ZFAND3: variants seen among roughly 807,000 people sequenced by gnomAD.
The protein encoded by ZFAND3 is zinc finger AN1-type containing 3.
A neutral mutation model predicts 29.6 loss-of-function variants in ZFAND3; 10 were observed. That is an observed-to-expected ratio of 0.34 (90% CI 0.21 to 0.57). The LOEUF (loss-of-function observed/expected upper bound fraction) is 0.57. Among genes scored for constraint, ZFAND3 ranks in the 20% least tolerant of loss-of-function variants. ZFAND3 has a pLI of 0.86. For synonymous variants in ZFAND3, 128 were observed against 112.6 expected, an observed-to-expected ratio of 1.14 and a Z score of -0.87; for missense variants, 230 against 304.5, an observed-to-expected ratio of 0.76 and a Z score of 1.82.
chr6:38,071,158 G>A (rs1441375560), intron 3 of ZFAND3, among the ~76,000 whole-genome samples: 1 of 151,156 alleles, frequency 6.6e-6, no homozygotes, highest in Non-Finnish European at 1.5e-5. Context: ...TACATATATT[G>A]CCAGTTTCTT....
intron 2 of ZFAND3, among the ~76,000 whole-genome samples, chr6:38,033,591 T>C (rs182625252): frequency 1.3e-5 from 2 of 152,314 alleles, no homozygotes. Flanking sequence ...TCTGAAAAGA[T>C]TATTCACCTT....
intron 4 of ZFAND3, among the ~76,000 whole-genome samples, chr6:38,085,900 G>A (rs1273429019): frequency 6.6e-6 from 1 of 152,170 alleles, no homozygotes; most frequent in East Asian, 1.9e-4. Flanking sequence ...CTAAGGATTA[G>A]CATTAGACCC....
chr6:37,977,388 G>T (rs1762498617), intron 2 of ZFAND3, among the ~76,000 whole-genome samples: 1 of 152,154 alleles, frequency 6.6e-6, no homozygotes, highest in South Asian at 2.1e-4. Context: ...TGCAACCTCT[G>T]CCTCCCGGGT....
chr6:37,986,239 G>T (rs183331454), intron 2 of ZFAND3, among the ~76,000 whole-genome samples: 1 of 152,098 alleles, frequency 6.6e-6, no homozygotes, highest in East Asian at 1.9e-4. Flanking sequence ...CCTTGAGTTT[G>T]CCAGTCTAAA....
chr6:38,072,777 T>C (rs1764481543), intron 3 of ZFAND3, among the ~76,000 whole-genome samples: 1 of 152,234 alleles, frequency 6.6e-6, no homozygotes, highest in East Asian at 1.9e-4. Flanking sequence ...AAAATGACTA[T>C]GTAACTGTAC....
chr6:38,091,523 G>C (rs773263094), intron 4 of ZFAND3, among the ~76,000 whole-genome samples: 2 of 140,756 alleles, frequency 1.4e-5, no homozygotes, highest in Non-Finnish European at 3.0e-5. Flanking sequence ...TAGGTCTGGG[G>C]AGTGCCTTTC....
intron 1 of ZFAND3, among the ~76,000 whole-genome samples, chr6:37,906,519 C>T (rs945285487): frequency 6.6e-6 from 1 of 152,074 alleles, no homozygotes; most frequent in African/African-American, 2.4e-5. Flanking sequence ...TTTGTTTGAA[C>T]ACCTATTTTC....
intron 1 of ZFAND3, among the ~76,000 whole-genome samples, chr6:37,865,900 C>T (rs1171244559): frequency 6.6e-6 from 1 of 152,194 alleles, no homozygotes; most frequent in East Asian, 1.9e-4. Context: ...GTGGGGCTTT[C>T]ACCCTTCAGT....
intron 2 of ZFAND3, among the ~76,000 whole-genome samples, chr6:37,965,303 C>G (rs986548913): frequency 3.3e-5 from 5 of 152,152 alleles, no homozygotes; most frequent in Non-Finnish European, 7.3e-5. Flanking sequence ...AGACCAGTAA[C>G]AATTTCCAGA....
At chr6:38,144,211 A>ATATAATATATATATATAT (rs70981524) in intron 5 of ZFAND3, among the ~76,000 whole-genome samples, 2 of 45,880 alleles carry the variant, frequency 4.4e-5, no homozygotes, top group South Asian at 6.0e-4. Context: ...ATATATATAT[A>ATATAATATATATATATAT]ATATATAATA....
At chr6:38,131,506 C>T (rs1279321130) in intron 5 of ZFAND3, among the ~76,000 whole-genome samples, 1 of 152,136 alleles carries the variant, frequency 6.6e-6, no homozygotes, top group Non-Finnish European at 1.5e-5. Context: ...TAGGAAACAC[C>T]AAGATAATTT....
rs114947451 is a variant in ZFAND3, at chr6:38,035,391, G to A, written c.113-26202G>A. ...TGCTCTAATTTTGCTTATTCAGGAC[G>A]TGTCTCACGGTTTCTAAGCAACCAA... On this transcript the variant is annotated intron_variant, in intron 2 of 5. Transcript: ENST00000287218. Among the ~76,000 whole-genome samples the A allele has an allele frequency of 3.1e-3, 474 of 152,134 alleles. 3 individuals are homozygous for A. Among genetic ancestry groups the A allele is most frequent in the African/African-American group, 0.011 (448 of 41,500 alleles).
At position 37,941,285 on chromosome 6, in the gene ZFAND3, A is replaced by T. The variant is rs564989787; in HGVS notation, c.112+11286A>T. Among the ~76,000 whole-genome samples, 9 of 152,348 alleles carry T rather than the reference A, an allele frequency of 5.9e-5. No individual in the cohort carries two copies. The South Asian group carries it at 1.9e-3, about 32-fold the overall frequency. ...TACTGTGAAAACCAAAGCTAAATAG[A>T]TTAGTCGGGATTGTACTGTGAGGAT... On this transcript the variant is annotated intron_variant, in intron 2 of 5. Transcript: ENST00000287218.
At chr6:37,897,531 G>A (rs1765241690) in intron 1 of ZFAND3, among the ~76,000 whole-genome samples, 1 of 152,196 alleles carries the variant, frequency 6.6e-6, no homozygotes, top group South Asian at 2.1e-4. Flanking sequence ...GTATATAGAT[G>A]AGAGGGAATC....
At chr6:38,107,334 A>T (rs555199824) in intron 4 of ZFAND3, among the ~76,000 whole-genome samples, 1 of 152,334 alleles carries the variant, frequency 6.6e-6, no homozygotes, top group South Asian at 2.1e-4. Context: ...TATGTGGAAG[A>T]GGTGAAGTGG....
intron 1 of ZFAND3, among the ~76,000 whole-genome samples, chr6:37,880,023 G>A (rs949153227): frequency 2.6e-5 from 4 of 152,108 alleles, no homozygotes; most frequent in African/African-American, 9.7e-5. Context: ...TGTGAGATAT[G>A]GGTCATTTTT....
chr6:37,993,388 G>A lies in ZFAND3; in HGVS notation c.112+63389G>A, dbSNP rs565327128. ...GTCACCCAGGCTGGAGCGCAGTGGC[G>A]TGATCTCAGCTCACTGCAACCTCCA... is the stretch of plus-strand genomic sequence containing the variant. On this transcript the variant is annotated intron_variant, in intron 2 of 5. Coordinates refer to ENST00000287218, the MANE Select transcript of ZFAND3 (RefSeq NM_021943.3). 3.5e-4 allele frequency among the ~76,000 whole-genome samples: 53 copies of A among 151,834 alleles called. 1 individual carries two copies. Among genetic ancestry groups the A allele is most frequent in the African/African-American group, 1.1e-3 (44 of 41,456 alleles).
intron 2 of ZFAND3, among the ~76,000 whole-genome samples, chr6:38,022,040 A>G (rs935015294): frequency 6.6e-6 from 1 of 152,192 alleles, no homozygotes; most frequent in Non-Finnish European, 1.5e-5. Flanking sequence ...GTTGATTTTT[A>G]TTGTTGTCTT....
intron 5 of ZFAND3, among the ~76,000 whole-genome samples, chr6:38,134,887 C>G (rs1413676999): frequency 6.6e-6 from 1 of 152,178 alleles, no homozygotes; most frequent in East Asian, 1.9e-4. Context: ...GTCAGTGTTA[C>G]AAAAAGAGCA....
Sources: gnomAD v4.1 joint callset for allele counts (sites outside exome capture counted in the v4.1 genomes callset) on GRCh38, gnomAD v4.1.1 for gene constraint, MANE v1.5 for transcripts, NCBI Gene and HGNC (gene_info 2026-07-23, HGNC 2026-07-21) for gene names.